Variants in ORMDL1 observed in about 807,000 individuals in gnomAD.
ORMDL1 encodes ORM1-like protein 1.
A neutral mutation model predicts 13.0 loss-of-function variants in ORMDL1; 10 were observed. The observed-to-expected ratio is 0.77, with a 90% confidence interval of 0.47 to 1.30. ORMDL1 has a LOEUF of 1.30. ORMDL1 is among the 50% of genes most tolerant of loss of function. The pLI is 0.00. For synonymous variants in ORMDL1, 61 were observed against 63.9 expected (o/e 0.95, Z 0.22); for missense variants, 171 against 186.7 (o/e 0.92, Z 0.49).
intron 3 of ORMDL1, among the ~76,000 whole-genome samples, chr2:189,781,917 CAT>C (rs202236295): frequency 0.017 from 2,495 of 149,796 alleles, 65 homozygotes; most frequent in African/African-American, 0.057. Flanking sequence ...TTTAAACACA[CAT>C]GTCATAAAGT....
downstream of ORMDL1, among the ~76,000 whole-genome samples, chr2:189,767,141 A>G (rs998085621): frequency 6.6e-6 from 1 of 152,220 alleles, no homozygotes; most frequent in African/African-American, 2.4e-5. Context: ...ATTGCTGGAT[A>G]TAATTTTAAT....
chr2:189,771,262 T>G lies in ORMDL1; in HGVS notation c.*505A>C, dbSNP rs1435681833. The G allele has an allele frequency of 6.7e-6, 1 of 149,258 alleles. No individual in the cohort carries two copies. The highest frequency in any genetic ancestry group is 1.5e-5 in the Non-Finnish European group (1 of 67,542). The allele number at this position is 149,258 out of a possible 1,614,324, so 9.2% of individuals were successfully genotyped here. On this transcript the variant is annotated 3_prime_UTR_variant, in exon 5 of 5. Transcript: ENST00000392349. Reference sequence around the variant, plus strand: ...GTACCCTCATAAGTGGGAACTGGCTTGTATAAAACAAGAGGATATACATCC... The same window carrying G: ...GTACCCTCATAAGTGGGAACTGGCTGGTATAAAACAAGAGGATATACATCC...
At chr2:189,774,706 CA>C (rs1254384729) in intron 4 of ORMDL1, 1 of 152,168 alleles carries the variant, frequency 6.6e-6, no homozygotes, top group Non-Finnish European at 1.5e-5. Context: ...AACATATATA[CA>C]TTTTTTTATT....
intron 3 of ORMDL1, among the ~76,000 whole-genome samples, chr2:189,779,933 T>C (rs2047786444): frequency 6.6e-6 from 1 of 152,216 alleles, no homozygotes; most frequent in South Asian, 2.1e-4. Flanking sequence ...TTGTAGTAGT[T>C]ATTACCAAAG....
rs527773099 is a variant in ORMDL1, at chr2:189,782,423, A to G, written c.173T>C (p.Leu58Pro). 1.9e-6 allele frequency: 3 copies of G among 1,609,602 alleles called. No individual in the cohort carries two copies. The highest frequency in any genetic ancestry group is 2.2e-5 in the South Asian group (2 of 90,764). Residue 58 changes from leucine (L) to proline (P), a missense_variant and splice_region_variant, in exon 3 of 5, where the codon CTG becomes CCG. Transcript: ENST00000392349. Reference sequence around the variant, plus strand: ...TTTAGTATAATGTGAAATTCTTACCAGATTATGTATAATATTTGTTAAAGT... The same window carrying G: ...TTTAGTATAATGTGAAATTCTTACCGGATTATGTATAATATTTGTTAAAGT... Reference protein sequence around the residue: ...AWTLTNIIHNLGMYVFLHAVK... With the variant: ...AWTLTNIIHNPGMYVFLHAVK...
chr2:189,777,491 AC>A (rs1408815274), intron 3 of ORMDL1, among the ~76,000 whole-genome samples: 1 of 152,248 alleles, frequency 6.6e-6, no homozygotes, highest in Non-Finnish European at 1.5e-5. Context: ...AACCATATGT[AC>A]TTAACTAGTG....
At chr2:189,772,062 G>A (rs1289588846) in intron 4 of ORMDL1, among the ~76,000 whole-genome samples, 160 bp from the exon 5 acceptor site, 2 of 152,126 alleles carry the variant, frequency 1.3e-5, no homozygotes, top group African/African-American at 4.8e-5. Flanking sequence ...TTGGTCCCAA[G>A]TTTATCTCAT....
chr2:189,768,783 GTGCTATATAATA>G (rs2047523887), downstream of ORMDL1, among the ~76,000 whole-genome samples: 1 of 152,096 alleles, frequency 6.6e-6, no homozygotes, highest in South Asian at 2.1e-4. Context: ...TTTAACTCTT[GTGCTATATAATA>G]AGTAATAAAC....
the ORMDL1 span, chr2:189,765,238 A>G: frequency 1.3e-5 from 2 of 152,186 alleles, no homozygotes; most frequent in East Asian, 3.9e-4. Flanking sequence ...TAGGAACTTT[A>G]TTAGTATAAG....
chr2:189,768,885 A>T (rs991633915), downstream of ORMDL1, among the ~76,000 whole-genome samples: 10 of 152,228 alleles, frequency 6.6e-5, no homozygotes, highest in African/African-American at 2.4e-4. Context: ...GGCTCTAGTA[A>T]TATTTATTCC....
chr2:189,764,288 CA>C, the ORMDL1 span: 4 of 152,206 alleles, frequency 2.6e-5, no homozygotes, highest in Admixed American at 2.6e-4. Context: ...CCTTTCACAT[CA>C]GGTATTATTT....
At position 189,770,836 on chromosome 2, in the gene ORMDL1, C is replaced by G. The variant is rs374434737; in HGVS notation, c.*931G>C. The G allele has an allele frequency of 5.9e-5, 9 of 152,172 alleles. No individual in the cohort carries two copies. The highest frequency in any genetic ancestry group is 1.3e-4 in the Admixed American group (2 of 15,268). 9.4% of individuals were successfully genotyped at this position (152,172 alleles called of 1,614,324 possible). A position where few individuals can be genotyped will look rare whatever the true frequency, so the allele number is the denominator to read the frequency against. On this transcript the variant is annotated 3_prime_UTR_variant, in exon 5 of 5. Coordinates refer to ENST00000392349, the MANE Select transcript of ORMDL1 (RefSeq NM_016467.5). ...ACCTGCCAAAAAAAAGACTCCATTA[C>G]TTACTTTGGTACTATTGCTAGAGAC...
rs2047581517 is a variant in ORMDL1, at chr2:189,771,653, C to A, written c.*114G>T. ...ACTTGAAGGACCAGCCATTGGCCCT[C>A]CAATGTAAATACTTCTCATTTCACA... On this transcript the variant is annotated 3_prime_UTR_variant, in exon 5 of 5. Transcript: ENST00000392349. 1 of 943,486 alleles carries A rather than the reference C, an allele frequency of 1.1e-6. No individual in the cohort carries two copies. The highest frequency in any genetic ancestry group is 2.8e-5 in the East Asian group (1 of 35,098). The allele number at this position is 943,486 out of a possible 1,614,324, so 58.4% of individuals were successfully genotyped here.
chr2:189,775,023 G>A (rs1414750919), intron 4 of ORMDL1: 1 of 152,172 alleles, frequency 6.6e-6, no homozygotes, highest in Non-Finnish European at 1.5e-5. Flanking sequence ...CATTAGGATT[G>A]AATTAGGTAT....
chr2:189,778,179 G>A (rs1381622617), intron 3 of ORMDL1: 1 of 429,504 alleles, frequency 2.3e-6, no homozygotes, highest in Non-Finnish European at 4.6e-6. Flanking sequence ...CAGATCACCT[G>A]AGGTTGGGAG....
chr2:189,779,880 G>A (rs2047784679), intron 3 of ORMDL1, among the ~76,000 whole-genome samples: 1 of 152,198 alleles, frequency 6.6e-6, no homozygotes, highest in Non-Finnish European at 1.5e-5. Context: ...AGGTGACCTT[G>A]TATTCTTGTT....
downstream of ORMDL1, among the ~76,000 whole-genome samples, chr2:189,768,459 AAT>A (rs1208745943): frequency 6.6e-6 from 1 of 152,232 alleles, no homozygotes; most frequent in Non-Finnish European, 1.5e-5. Flanking sequence ...ACACAGGAGA[AAT>A]ATACTGCATG....
chr2:189,774,189 GCT>G (rs1320879811), intron 4 of ORMDL1, among the ~76,000 whole-genome samples: 1 of 152,110 alleles, frequency 6.6e-6, no homozygotes, highest in African/African-American at 2.4e-5. Flanking sequence ...ATCGGGTCTT[GCT>G]CTGTTGCCCA....
chr2:189,769,259 C>T (rs926502394), downstream of ORMDL1, among the ~76,000 whole-genome samples: 8 of 152,044 alleles, frequency 5.3e-5, no homozygotes, highest in East Asian at 5.8e-4. Flanking sequence ...TGGTGGTGCA[C>T]GCCCATAATC....
Sources: gnomAD v4.1 joint callset for allele counts (sites outside exome capture counted in the v4.1 genomes callset) on GRCh38, gnomAD v4.1.1 for gene constraint, MANE v1.5 for transcripts, NCBI Gene and HGNC (gene_info 2026-07-23, HGNC 2026-07-21) for gene names.